Variants in MBNL2 observed in about 807,000 individuals in gnomAD.
MBNL2 encodes muscleblind-like protein 2.
MBNL2 carries 17 observed loss-of-function variants against 41.9 expected under a neutral mutation model. The observed-to-expected ratio is 0.41, with a 90% CI of 0.28 to 0.61. The LOEUF (loss-of-function observed/expected upper bound fraction) is 0.61. MBNL2 is among the 20% of genes least tolerant of loss of function. The probability of loss-of-function intolerance (pLI) is 0.35; values close to 1 mark genes in which losing one functional copy is unlikely to be tolerated. For synonymous variants in MBNL2, 195 were observed against 182.9 expected (o/e 1.07, Z -0.53); for missense variants, 336 against 505.6 (o/e 0.66, Z 3.22).
Position 97,347,151 on chromosome 13 carries a change from A to G in MBNL2, c.804+84A>G, listed in dbSNP as rs1036312183. On this transcript the variant is annotated intron_variant, in intron 5 of 8. Transcript: ENST00000679496. ...CTGGGACTTGGATGTTCTTCCAAAC[A>G]CTCGGGAAACATGGAAGGCTGCTAT... 31 of 1,040,566 alleles carry G rather than the reference A, an allele frequency of 3.0e-5. No homozygotes were observed. In the African/African-American group the frequency reaches 4.1e-4, roughly 14 times the overall value. The allele number at this position is 1,040,566 out of a possible 1,614,324, so 64.5% of individuals were successfully genotyped here.
chr13:97,265,892 A>G (rs7329083), intron 1 of MBNL2, among the ~76,000 whole-genome samples: 3,718 of 152,124 alleles, frequency 0.024, 151 homozygotes, highest in African/African-American at 0.08. Context: ...AGGTTAGAAA[A>G]GCTGGTCTTG....
intron 2 of MBNL2, among the ~76,000 whole-genome samples, chr13:97,293,510 A>G (rs1000268880): frequency 1.3e-5 from 2 of 152,232 alleles, no homozygotes; most frequent in African/African-American, 4.8e-5. Flanking sequence ...CTTAAGGTAC[A>G]AGGTTATATC....
chr13:97,302,711 C>A (rs2057747267), intron 2 of MBNL2, among the ~76,000 whole-genome samples: 1 of 152,182 alleles, frequency 6.6e-6, no homozygotes, highest in Non-Finnish European at 1.5e-5. Flanking sequence ...GACAGAGAAA[C>A]TTCTAGGAGG....
chr13:97,384,875 G>A (rs886485327), intron 8 of MBNL2, among the ~76,000 whole-genome samples: 1 of 152,120 alleles, frequency 6.6e-6, no homozygotes, highest in Non-Finnish European at 1.5e-5. Context: ...TTTATCTGCT[G>A]TATTTCCCTT....
At chr13:97,142,547 T>C in the MBNL2 span, among the ~76,000 whole-genome samples, 1 of 152,242 alleles carries the variant, frequency 6.6e-6, no homozygotes, top group Non-Finnish European at 1.5e-5. Context: ...TGTTCATCCC[T>C]ACATATTCCA....
At chr13:97,316,348 G>T (rs2059052914) in intron 2 of MBNL2, among the ~76,000 whole-genome samples, 1 of 152,108 alleles carries the variant, frequency 6.6e-6, no homozygotes, top group Admixed American at 6.5e-5. Context: ...GCCACCTCTG[G>T]CCCCTTCGGT....
intron 5 of MBNL2, among the ~76,000 whole-genome samples, chr13:97,350,299 G>A (rs189003332): frequency 7.2e-5 from 11 of 152,184 alleles, no homozygotes; most frequent in East Asian, 1.9e-4. Context: ...TTAGTGAGTC[G>A]TATCTTTTTG....
intron 1 of MBNL2, among the ~76,000 whole-genome samples, chr13:97,257,336 T>C (rs949986582): frequency 1.3e-5 from 2 of 152,168 alleles, no homozygotes; most frequent in Admixed American, 6.5e-5. Context: ...AACAAGTAAC[T>C]TGAGAGCTTG....
At chr13:97,153,339 ATTTTC>A in the MBNL2 span, among the ~76,000 whole-genome samples, 5 of 151,278 alleles carry the variant, frequency 3.3e-5, no homozygotes, top group East Asian at 5.8e-4. Context: ...GTGTGTGTGT[ATTTTC>A]TTGGAGGGGG....
chr13:97,208,247 G>T, the MBNL2 span, among the ~76,000 whole-genome samples: 1 of 152,204 alleles, frequency 6.6e-6, no homozygotes. Context: ...GCCCAAAGGG[G>T]AATTCTTTTT....
chr13:97,334,148 C>CCCCACA lies in MBNL2; in HGVS notation c.175-127_175-126insCCACAC. 1 of 546,452 alleles carries CCCCACA rather than the reference C, an allele frequency of 1.8e-6. No individual in the cohort carries two copies. The highest frequency in any genetic ancestry group is 3.2e-6 in the Non-Finnish European group (1 of 311,684). The allele number at this position is 546,452 out of a possible 1,614,324, so 33.9% of individuals were successfully genotyped here. On this transcript the variant is annotated intron_variant, in intron 2 of 8. Transcript: ENST00000679496. The surrounding 1 kb of genome is among the most constrained non-coding windows in gnomAD (Gnocchi z 5.3). Reference sequence around the variant, plus strand: ...AACACATGAGCATGCGCGCGCACACCCACACACACACACACACACACACAC... The same window carrying CCCCACA: ...AACACATGAGCATGCGCGCGCACACCCCCACACACACACACACACACACACACACAC...
In MBNL2 at chr13:97,343,024, C is replaced by T. The variant is rs1253708599; in HGVS notation, c.348C>T (p.Phe116=). The T allele has an allele frequency of 1.9e-6, 3 of 1,609,924 alleles. No homozygotes were observed. The highest frequency in any genetic ancestry group is 3.3e-5 in the Admixed American group (2 of 59,994). ...TTGTCTTCCTTTAACAGCCCACTTT[C>T]CCTGTAGGTCCCGCGATAGGGACAA... is the stretch of plus-strand genomic sequence containing the variant. ...PGTPLHPVPT[F]PVGPAIGTNT... Residue 116 remains phenylalanine, a synonymous_variant, in exon 4 of 9, where the codon TTC becomes TTT. Coordinates refer to ENST00000679496, the MANE Select transcript of MBNL2 (RefSeq NM_001382683.1).
In MBNL2 at chr13:97,324,738, C is replaced by T. The variant is rs113865021; in HGVS notation, c.175-9538C>T. 9.8e-3 allele frequency among the ~76,000 whole-genome samples: 1,493 copies of T among 152,236 alleles called. 12 individuals are homozygous for T. The highest frequency in any genetic ancestry group is 0.014 in the Middle Eastern group (4 of 294). On this transcript the variant is annotated intron_variant, in intron 2 of 8. Transcript: ENST00000679496. ...GTAGGGAAACCAACAGTGCAGCCTT[C>T]AGTCTGTGGCCAAAGGTCCGAGAGC...
intron 2 of MBNL2, among the ~76,000 whole-genome samples, chr13:97,324,779 G>A (rs1249536033): frequency 6.6e-6 from 1 of 152,132 alleles, no homozygotes; most frequent in Non-Finnish European, 1.5e-5. Flanking sequence ...GCAAACCACT[G>A]GTGTAAGTCT....
chr13:97,155,116 TG>T, the MBNL2 span, among the ~76,000 whole-genome samples: 8 of 152,290 alleles, frequency 5.3e-5, no homozygotes, highest in Admixed American at 3.3e-4. Context: ...TAGAGCTTTT[TG>T]TTTCCTTAGT....
chr13:97,175,694 G>A, the MBNL2 span, among the ~76,000 whole-genome samples: 1 of 152,126 alleles, frequency 6.6e-6, no homozygotes, highest in Admixed American at 6.6e-5. Flanking sequence ...AACTTGTATT[G>A]CCACCCTGCA....
intron 2 of MBNL2, among the ~76,000 whole-genome samples, chr13:97,300,551 G>T (rs866099108): frequency 6.6e-6 from 1 of 152,166 alleles, no homozygotes; most frequent in South Asian, 2.1e-4. Flanking sequence ...CTGACAGGAG[G>T]CGGAGCTCAG....
In MBNL2 at chr13:97,309,113, G is replaced by A. The variant is rs573389526; in HGVS notation, c.175-25163G>A. Among the ~76,000 whole-genome samples, 3 of 152,170 alleles carry A rather than the reference G, an allele frequency of 2.0e-5. No individual in the cohort carries two copies. In the East Asian group the frequency reaches 5.8e-4, roughly 29 times the overall value. ...GTTGGACTGCAGCATAAAAAACCATGGGGTATGTAGGGAGATAAATAACAA... is the reference window on the plus strand; with the variant it reads ...GTTGGACTGCAGCATAAAAAACCATAGGGTATGTAGGGAGATAAATAACAA... On this transcript the variant is annotated intron_variant, in intron 2 of 8. Coordinates refer to ENST00000679496, the MANE Select transcript of MBNL2 (RefSeq NM_001382683.1).
rs1356255816 is a variant in MBNL2 at position 97,270,822 on chromosome 13, T to C, written c.-604-4810T>C. 1.3e-5 allele frequency among the ~76,000 whole-genome samples: 2 copies of C among 152,184 alleles called. 1 individual carries two copies. Among genetic ancestry groups the C allele is most frequent in the Non-Finnish European group, 2.9e-5 (2 of 68,038 alleles). ...GGTCTAGCCCATCCTTACCCTCCAT[T>C]GCTCTTATCTTTGGTAGAACCATCT... On this transcript the variant is annotated intron_variant, in intron 1 of 8. Transcript: ENST00000679496.
Sources: gnomAD v4.1 joint callset for allele counts (sites outside exome capture counted in the v4.1 genomes callset) on GRCh38, gnomAD v4.1.1 for gene constraint, Gnocchi (gnomAD v3.1) non-coding constraint, MANE v1.5 for transcripts, NCBI Gene and HGNC (gene_info 2026-07-23, HGNC 2026-07-21) for gene names.